The following DLG2 variants were observed in gnomAD, a reference collection of about 807,000 sequenced individuals.
DLG2 encodes disks large homolog 2.
A neutral mutation model predicts 132.5 loss-of-function variants in DLG2; 45 were observed. The ratio of observed to expected loss-of-function variants is 0.34; its 90% CI spans 0.27 to 0.44. The LOEUF (loss-of-function observed/expected upper bound fraction) is 0.44, where lower values mean the gene tolerates loss of function less well. DLG2 is among the 20% of genes least tolerant of loss of function. DLG2 has a pLI of 1.00. For missense variants in DLG2, 1,045 were observed against 1,196.9 expected (o/e 0.87, Z 1.87); for synonymous variants, 424 against 419.6 (o/e 1.01, Z -0.13).
chr11:84,944,308 A>C (rs983396751), intron 6 of DLG2, among the ~76,000 whole-genome samples: 11 of 152,146 alleles, frequency 7.2e-5, no homozygotes, highest in Non-Finnish European at 1.3e-4. Flanking sequence ...TATCCCTTCA[A>C]ATAAACTTTC....
At chr11:83,880,000 T>A (rs1595848723) in intron 15 of DLG2, among the ~76,000 whole-genome samples, 1 of 152,186 alleles carries the variant, frequency 6.6e-6, no homozygotes, top group African/African-American at 2.4e-5. Context: ...TTGAGACTCA[T>A]GAAGAGCATG....
In DLG2 at chr11:85,441,603, G is replaced by A. The variant is rs560468539; in HGVS notation, c.41-156238C>T. 1.2e-3 allele frequency among the ~76,000 whole-genome samples: 180 copies of A among 152,166 alleles called. 1 individual carries two copies. The highest frequency in any genetic ancestry group is 4.1e-3 in the African/African-American group (170 of 41,502). On this transcript the variant is annotated intron_variant, in intron 3 of 27. Coordinates refer to ENST00000376104, the MANE Select transcript of DLG2 (RefSeq NM_001142699.3). The stretch of plus-strand genomic sequence containing the variant: ...ATATGTTAAGCTCTGAATATACAAC[G>A]GTGAGCAAGGTAGCCATGGTTCCCA...
chr11:85,470,383 G>A (rs2153074540), intron 3 of DLG2, among the ~76,000 whole-genome samples: 1 of 152,244 alleles, frequency 6.6e-6, no homozygotes, highest in Non-Finnish European at 1.5e-5. Flanking sequence ...AGTTGGGGTA[G>A]GGGTGAGAAG....
chr11:84,415,240 G>A (rs2098925184), intron 7 of DLG2, among the ~76,000 whole-genome samples: 1 of 152,152 alleles, frequency 6.6e-6, no homozygotes, highest in Admixed American at 6.6e-5. Flanking sequence ...ATGGGTAGAA[G>A]AACTATGGAT....
chr11:84,248,729 T>C (rs2097334569), intron 8 of DLG2, among the ~76,000 whole-genome samples: 1 of 151,822 alleles, frequency 6.6e-6, no homozygotes, highest in Non-Finnish European at 1.5e-5. Flanking sequence ...TAGCCAGGCA[T>C]GGTGGTGCAC....
chr11:84,856,792 C>G (rs1388961448), intron 6 of DLG2, among the ~76,000 whole-genome samples: 1 of 152,028 alleles, frequency 6.6e-6, no homozygotes, highest in African/African-American at 2.4e-5. Flanking sequence ...TAGTGTCTGC[C>G]TTCTCTCAGC....
chr11:85,077,810 A>C (rs2066744495), intron 6 of DLG2, among the ~76,000 whole-genome samples: 1 of 152,018 alleles, frequency 6.6e-6, no homozygotes, highest in South Asian at 2.1e-4. Context: ...CTTGGCTTAC[A>C]GTTTCCATTT....
chr11:84,763,047 A>G lies in DLG2; in HGVS notation c.358-228316T>C, dbSNP rs1458979452. Among the ~76,000 whole-genome samples the G allele has an allele frequency of 2.6e-5, 4 of 152,156 alleles. No individual in the cohort carries two copies. In the East Asian group the frequency reaches 5.8e-4, roughly 22 times the overall value. The stretch of plus-strand genomic sequence containing the variant: ...CACTCTGCAGAATATTCTCCCCATT[A>G]TGACTTGTGCCCACACCATTATTTG... On this transcript the variant is annotated intron_variant, in intron 6 of 27. Transcript: ENST00000376104.
At chr11:84,997,608 A>C (rs1259195502) in intron 6 of DLG2, 1 of 152,180 alleles carries the variant, frequency 6.6e-6, no homozygotes, top group Non-Finnish European at 1.5e-5. Context: ...GGTGATCTTG[A>C]CCTTCCTGCC....
chr11:84,077,491 C>T (rs1225382175), intron 10 of DLG2, among the ~76,000 whole-genome samples: 1 of 152,114 alleles, frequency 6.6e-6, no homozygotes, highest in Non-Finnish European at 1.5e-5. Flanking sequence ...TTTTGTACAT[C>T]TCTATTTTAA....
chr11:84,946,446 G>C (rs1019584918), intron 6 of DLG2, among the ~76,000 whole-genome samples: 1 of 152,026 alleles, frequency 6.6e-6, no homozygotes, highest in African/African-American at 2.4e-5. Flanking sequence ...TGCCAGGACT[G>C]TGTTATTCCC....
chr11:83,487,049 A>G (rs1051354945), intron 21 of DLG2, among the ~76,000 whole-genome samples: 8 of 121,282 alleles, frequency 6.6e-5, no homozygotes, highest in Non-Finnish European at 1.2e-4. Context: ...TAAATTAGCA[A>G]TTCTGCTATT....
intron 18 of DLG2, among the ~76,000 whole-genome samples, chr11:83,717,279 T>A (rs1259640621): frequency 4.6e-5 from 7 of 152,202 alleles, no homozygotes; most frequent in Non-Finnish European, 1.0e-4. Context: ...AATTTAAATC[T>A]TAATTCATCT....
At chr11:85,521,223 A>G (rs905105644) in intron 3 of DLG2, among the ~76,000 whole-genome samples, 2 of 152,202 alleles carry the variant, frequency 1.3e-5, no homozygotes, top group African/African-American at 4.8e-5. Flanking sequence ...CATTGGAATG[A>G]TTCCCCCATG....
At chr11:85,536,214 CAAAAAAAA>C (rs527811605) in intron 3 of DLG2, among the ~76,000 whole-genome samples, 31 of 57,508 alleles carry the variant, frequency 5.4e-4, no homozygotes, top group African/African-American at 1.6e-3. Context: ...GACCCTGTCT[CAAAAAAAA>C]AAAAAAAAAA....
Position 84,940,514 on chromosome 11 carries a change from G to A in DLG2, c.357+171147C>T, listed in dbSNP as rs188217964. Among the ~76,000 whole-genome samples the A allele has an allele frequency of 2.8e-3, 432 of 152,288 alleles. 6 individuals carry two copies. Among genetic ancestry groups the A allele is most frequent in the African/African-American group, 0.01 (416 of 41,576 alleles). On this transcript the variant is annotated intron_variant, in intron 6 of 27. Coordinates refer to ENST00000376104, the MANE Select transcript of DLG2 (RefSeq NM_001142699.3). ...CTTTTCAAATACCTATTTGCCATTT[G>A]TGTGTCTTCTTTTGAGAAATGTGTA...
intron 19 of DLG2, among the ~76,000 whole-genome samples, chr11:83,556,797 C>T (rs558959939): frequency 2.6e-5 from 4 of 152,258 alleles, no homozygotes; most frequent in African/African-American, 7.2e-5. Context: ...AGAAACTCAG[C>T]CACATTAATT....
intron 4 of DLG2, among the ~76,000 whole-genome samples, chr11:85,192,571 A>C (rs1253271144): frequency 6.6e-6 from 1 of 152,186 alleles, no homozygotes; most frequent in African/African-American, 2.4e-5. Flanking sequence ...ATTAATAGGC[A>C]CTTATTAAAA....
intron 4 of DLG2, among the ~76,000 whole-genome samples, chr11:85,276,564 C>A (rs558488009): frequency 6.6e-6 from 1 of 152,148 alleles, no homozygotes; most frequent in East Asian, 1.9e-4. Context: ...CCATGTTGTG[C>A]CATAAAATAA....
Sources: allele counts gnomAD v4.1 joint callset (sites outside exome capture counted in the v4.1 genomes callset), GRCh38; gene constraint gnomAD v4.1.1; transcripts MANE v1.5; gene names NCBI Gene and HGNC (gene_info 2026-07-23, HGNC 2026-07-21).